ATXN7L1: variants seen among roughly 807,000 people sequenced by gnomAD.
ATXN7L1 encodes ataxin 7 like 1.
A neutral mutation model predicts 70.8 loss-of-function variants in ATXN7L1; 15 were observed. The observed-to-expected ratio is 0.21, with a 90% confidence interval of 0.14 to 0.33. ATXN7L1 has a LOEUF of 0.33. ATXN7L1 is among the 10% of genes least tolerant of loss of function. The probability of loss-of-function intolerance (pLI) is 1.00; values close to 1 mark genes in which losing one functional copy is unlikely to be tolerated. For missense variants in ATXN7L1, 975 were observed against 1,097.1 expected (o/e 0.89, Z 1.57); for synonymous variants, 440 against 445.1 (o/e 0.99, Z 0.14).
chr7:105,692,424 T>TCCTTCCTTC, intron 3 of ATXN7L1, among the ~76,000 whole-genome samples: 1 of 88,176 alleles, frequency 1.1e-5, no homozygotes, highest in African/African-American at 4.4e-5. Context: ...CTTCCTTCCT[T>TCCTTCCTTC]CCTCCCTCCC....
intron 3 of ATXN7L1, among the ~76,000 whole-genome samples, chr7:105,739,027 A>G (rs1388273683): frequency 6.6e-6 from 1 of 152,144 alleles, no homozygotes; most frequent in Non-Finnish European, 1.5e-5. Context: ...CTTTTAATAA[A>G]TGATACAGTG....
intron 3 of ATXN7L1, chr7:105,691,527 C>G (rs1790835086): frequency 6.6e-6 from 1 of 151,924 alleles, no homozygotes; most frequent in Non-Finnish European, 1.5e-5. Flanking sequence ...AAACATCCTG[C>G]TAGAAGAAGA....
chr7:105,832,683 T>A (rs754453743), intron 2 of ATXN7L1, among the ~76,000 whole-genome samples: 1 of 152,186 alleles, frequency 6.6e-6, no homozygotes, highest in Non-Finnish European at 1.5e-5. Flanking sequence ...CTTTGAAAGG[T>A]GAAGTTTCCA....
intron 2 of ATXN7L1, among the ~76,000 whole-genome samples, chr7:105,803,589 C>T (rs896103040): frequency 2.6e-5 from 4 of 152,200 alleles, no homozygotes; most frequent in African/African-American, 9.6e-5. Flanking sequence ...TTAATGGGTC[C>T]ATACCTAACT....
rs563839400 is a variant in ATXN7L1 at position 105,765,514 on chromosome 7, A to G, written c.355+23090T>C. Among the ~76,000 whole-genome samples the G allele has an allele frequency of 3.9e-5, 6 of 152,052 alleles. No individual in the cohort carries two copies. In the East Asian group the frequency reaches 1.2e-3, roughly 29 times the overall value. ...GAAAGAGGCAGAAACAGGAACCCAG[A>G]CTCATCTCTTAACCCCAGGCAAATG... On this transcript the variant is annotated intron_variant, in intron 3 of 11. Transcript: ENST00000419735.
chr7:105,834,605 T>C (rs1812093619), intron 2 of ATXN7L1, among the ~76,000 whole-genome samples: 1 of 152,188 alleles, frequency 6.6e-6, no homozygotes, highest in South Asian at 2.1e-4. Flanking sequence ...ACACCTACCT[T>C]GCTGAAGGGT....
chr7:105,749,006 TGAG>T (rs1346847219), intron 3 of ATXN7L1, among the ~76,000 whole-genome samples: 2 of 152,140 alleles, frequency 1.3e-5, no homozygotes, highest in South Asian at 2.1e-4. Flanking sequence ...ATTATCTGCA[TGAG>T]GAGAAGGAAG....
rs1022838913 is a variant in ATXN7L1, at chr7:105,610,544, T to C, written c.2532A>G (p.Pro844=). ...SQSSPSSISS[P]GHSRQNTNRT... ...AGTAACTTACCTGTCGGCTGTGTCCTGGGCTGGATATACTTGAAGGACTGG... is the reference window on the plus strand; with the variant it reads ...AGTAACTTACCTGTCGGCTGTGTCCCGGGCTGGATATACTTGAAGGACTGG... The change falls in exon 11 of 12, where the codon CCA becomes CCG. Residue 844 remains proline, a synonymous_variant. Coordinates refer to ENST00000419735, the MANE Select transcript of ATXN7L1 (RefSeq NM_020725.2). 1 of 1,551,382 alleles carries C rather than the reference T, an allele frequency of 6.4e-7. No homozygotes were observed. The highest frequency in any genetic ancestry group is 2.4e-5 in the East Asian group (1 of 40,890).
At chr7:105,832,726 T>C (rs952204606) in intron 2 of ATXN7L1, among the ~76,000 whole-genome samples, 6 of 152,350 alleles carry the variant, frequency 3.9e-5, no homozygotes, top group African/African-American at 1.4e-4. Context: ...ACGGAACTAC[T>C]GATTTCTCTC....
intron 4 of ATXN7L1, among the ~76,000 whole-genome samples, chr7:105,662,458 T>G (rs1801863617): frequency 6.6e-6 from 1 of 152,174 alleles, no homozygotes; most frequent in Non-Finnish European, 1.5e-5. Flanking sequence ...GTGGCAGGTC[T>G]TAAGAAGTGT....
intron 3 of ATXN7L1, among the ~76,000 whole-genome samples, chr7:105,671,639 G>GT (rs1803707084): frequency 6.6e-6 from 1 of 152,176 alleles, no homozygotes; most frequent in Non-Finnish European, 1.5e-5. Flanking sequence ...GCTCATGCCT[G>GT]TAATTCCCGC....
intron 3 of ATXN7L1, among the ~76,000 whole-genome samples, chr7:105,752,780 G>A (rs1446864236): frequency 6.6e-6 from 1 of 152,154 alleles, no homozygotes; most frequent in Middle Eastern, 3.2e-3. Context: ...CCTCCTGTCT[G>A]TCTTGTCTCA....
intron 7 of ATXN7L1, among the ~76,000 whole-genome samples, chr7:105,629,642 C>CAA (rs1362865872): frequency 1.4e-4 from 20 of 144,008 alleles, no homozygotes; most frequent in South Asian, 2.3e-4. Context: ...CAGCCTCCTG[C>CAA]GTAGCTGGGA....
Position 105,763,290 on chromosome 7 carries a change from C to T in ATXN7L1, c.355+25314G>A, listed in dbSNP as rs186109153. Among the ~76,000 whole-genome samples the T allele has an allele frequency of 3.3e-5, 5 of 152,352 alleles. No individual in the cohort carries two copies. In the East Asian group the frequency reaches 9.6e-4, roughly 29 times the overall value. On this transcript the variant is annotated intron_variant, in intron 3 of 11. Coordinates refer to ENST00000419735, the MANE Select transcript of ATXN7L1 (RefSeq NM_020725.2). ...TCTGGTATCCCTGTTGCCCCCTCCA[C>T]TGACCCATCCCTCTGTGTCCACTCA...
Position 105,717,394 on chromosome 7 carries a change from G to A in ATXN7L1, c.356-52106C>T, listed in dbSNP as rs144716635. Among the ~76,000 whole-genome samples the A allele has an allele frequency of 2.3e-4, 35 of 152,176 alleles. No individual in the cohort carries two copies. In the East Asian group the frequency reaches 6.6e-3, roughly 29 times the overall value. On this transcript the variant is annotated intron_variant, in intron 3 of 11. Coordinates refer to ENST00000419735, the MANE Select transcript of ATXN7L1 (RefSeq NM_020725.2). ...GCCCACCTCGGCCTCTCAAAGTGCT[G>A]GGATTACAGACATGAGCCACTATGC...
intron 2 of ATXN7L1, among the ~76,000 whole-genome samples, chr7:105,862,435 T>C (rs1330378800): frequency 2.6e-5 from 4 of 152,132 alleles, no homozygotes; most frequent in Non-Finnish European, 4.4e-5. Flanking sequence ...CTACTGCCCC[T>C]TCCCACCCAA....
At chr7:105,781,796 C>T (rs1803570587) in intron 3 of ATXN7L1, among the ~76,000 whole-genome samples, 1 of 152,104 alleles carries the variant, frequency 6.6e-6, no homozygotes, top group Admixed American at 6.5e-5. Flanking sequence ...AAGTAACCTG[C>T]CCAAGGTCAC....
rs1371841573 is a variant in ATXN7L1 at position 105,847,782 on chromosome 7, A to G, written c.250+28030T>C. On this transcript the variant is annotated intron_variant, in intron 2 of 11. Transcript: ENST00000419735. ...CTAATATATATGAAAAGTGCCTGGC[A>G]TATAATAGTTGTTCAGTAAATGGTA... Among the ~76,000 whole-genome samples the G allele has an allele frequency of 2.0e-5, 3 of 152,364 alleles. No homozygotes were observed. The East Asian group carries it at 5.8e-4, about 29-fold the overall frequency.
chr7:105,730,837 A>G (rs973725045), intron 3 of ATXN7L1, among the ~76,000 whole-genome samples: 1 of 152,224 alleles, frequency 6.6e-6, no homozygotes, highest in Admixed American at 6.5e-5. Flanking sequence ...TGCAAAACTA[A>G]GGAAATCTGA....
Sources: gnomAD v4.1 joint callset for allele counts (sites outside exome capture counted in the v4.1 genomes callset) on GRCh38, gnomAD v4.1.1 for gene constraint, MANE v1.5 for transcripts, NCBI Gene and HGNC (gene_info 2026-07-23, HGNC 2026-07-21) for gene names.